SEMA6D: variants seen among roughly 807,000 people sequenced by gnomAD.
SEMA6D encodes semaphorin-6D.
Under a neutral mutation model 106.6 loss-of-function variants are expected in SEMA6D, and 35 were observed. The ratio of observed to expected loss-of-function variants is 0.33; its 90% CI spans 0.25 to 0.44. The LOEUF (loss-of-function observed/expected upper bound fraction) is 0.44, where lower values mean the gene tolerates loss of function less well. Ranked by LOEUF, SEMA6D falls within the 20% of genes least tolerant of loss-of-function variation. The probability of loss-of-function intolerance (pLI) is 1.00; values close to 1 mark genes in which losing one functional copy is unlikely to be tolerated. For synonymous variants in SEMA6D, 499 were observed against 487.7 expected (o/e 1.02, Z -0.31); for missense variants, 1,185 against 1,345.9 (o/e 0.88, Z 1.87).
At chr15:47,620,728 AT>A (rs2077083894) in intron 4 of SEMA6D, among the ~76,000 whole-genome samples, 1 of 150,282 alleles carries the variant, frequency 6.7e-6, no homozygotes, top group African/African-American at 2.4e-5. Flanking sequence ...ATATATATAT[AT>A]TCTTTGTGCA....
chr15:47,308,594 C>T (rs940399067), intron 1 of SEMA6D, among the ~76,000 whole-genome samples: 12 of 152,154 alleles, frequency 7.9e-5, no homozygotes, highest in African/African-American at 2.9e-4. Flanking sequence ...AAGAGTTTCT[C>T]AGAGAAACCT....
chr15:47,193,682 T>G (rs1476769772), intron 1 of SEMA6D, among the ~76,000 whole-genome samples: 1 of 152,054 alleles, frequency 6.6e-6, no homozygotes, highest in Non-Finnish European at 1.5e-5. Flanking sequence ...ACAAAAAAAC[T>G]CTTGTTCTGT....
intron 1 of SEMA6D, among the ~76,000 whole-genome samples, chr15:47,281,891 C>A (rs1323502432): frequency 1.3e-5 from 2 of 151,726 alleles, no homozygotes; most frequent in African/African-American, 4.8e-5. Flanking sequence ...TATTTTTATC[C>A]CAATTTTACA....
chr15:47,584,428 G>C (rs12913106), intron 3 of SEMA6D, among the ~76,000 whole-genome samples: 1 of 149,964 alleles, frequency 6.7e-6, no homozygotes, highest in Admixed American at 6.6e-5. Flanking sequence ...TGTCTCAGGG[G>C]AAAAAAAAAA....
At chr15:47,240,642 C>T (rs761815644) in intron 1 of SEMA6D, among the ~76,000 whole-genome samples, 4 of 152,122 alleles carry the variant, frequency 2.6e-5, no homozygotes, top group Non-Finnish European at 4.4e-5. Flanking sequence ...TGCAACAAAA[C>T]AGTACTCTAA....
At chr15:47,391,747 G>T (rs181027163) in intron 1 of SEMA6D, among the ~76,000 whole-genome samples, 32 of 151,562 alleles carry the variant, frequency 2.1e-4, no homozygotes, top group Non-Finnish European at 4.1e-4. Flanking sequence ...TCTTGTGGGA[G>T]TCTCTACTGA....
intron 1 of SEMA6D, among the ~76,000 whole-genome samples, chr15:47,248,708 T>C (rs1265889052): frequency 6.6e-6 from 1 of 152,212 alleles, no homozygotes; most frequent in Admixed American, 6.5e-5. Context: ...TGATTTACAA[T>C]GTAGAATGTC....
chr15:47,436,758 T>TAAA (rs67662241), intron 2 of SEMA6D, among the ~76,000 whole-genome samples: 16 of 127,458 alleles, frequency 1.3e-4, no homozygotes, highest in African/African-American at 4.0e-4. Flanking sequence ...CTATCTCTAT[T>TAAA]AAAAAAAAAA....
intron 3 of SEMA6D, among the ~76,000 whole-genome samples, chr15:47,528,445 G>A (rs2044836985): frequency 6.6e-6 from 1 of 152,046 alleles, no homozygotes; most frequent in African/African-American, 2.4e-5. Flanking sequence ...CAGGCAAGTT[G>A]GTCTGCGGGG....
chr15:47,677,797 A>G (rs2078274951), intron 4 of SEMA6D, among the ~76,000 whole-genome samples: 1 of 152,146 alleles, frequency 6.6e-6, no homozygotes, highest in Admixed American at 6.5e-5. Context: ...GAAAACCATA[A>G]AGTCATATGA....
chr15:47,454,812 T>C lies in SEMA6D; in HGVS notation c.-158-15662T>C, dbSNP rs185558252. On this transcript the variant is annotated intron_variant, in intron 2 of 19. Coordinates refer to the SEMA6D transcript ENST00000558014. ...TTGTAAATGAATTATGCCTGAATTG[T>C]ATTCCCACTACAGCCAGGTAGTATG... Among the ~76,000 whole-genome samples, 7 of 152,094 alleles carry C rather than the reference T, an allele frequency of 4.6e-5. No individual in the cohort carries two copies. In the East Asian group the frequency reaches 1.4e-3, roughly 30 times the overall value.
At chr15:47,536,952 A>G (rs1295902846) in intron 3 of SEMA6D, among the ~76,000 whole-genome samples, 4 of 152,252 alleles carry the variant, frequency 2.6e-5, no homozygotes, top group East Asian at 1.9e-4. Context: ...TTAGATAACA[A>G]TGCATGAAAA....
At chr15:47,254,791 T>C (rs1180514060) in intron 1 of SEMA6D, among the ~76,000 whole-genome samples, 1 of 152,040 alleles carries the variant, frequency 6.6e-6, no homozygotes, top group African/African-American at 2.4e-5. Context: ...GAATAATCTT[T>C]TTAATGTGCT....
intron 4 of SEMA6D, among the ~76,000 whole-genome samples, chr15:47,663,789 CTCTT>C (rs1256548661): frequency 4.6e-5 from 7 of 152,164 alleles, no homozygotes; most frequent in African/African-American, 1.4e-4. Context: ...AAATGTCACT[CTCTT>C]TCAGAAAATC....
At chr15:47,415,554 G>A (rs1047425068) in intron 2 of SEMA6D, among the ~76,000 whole-genome samples, 3 of 152,010 alleles carry the variant, frequency 2.0e-5, no homozygotes, top group Non-Finnish European at 4.4e-5. Context: ...TCACACCTCA[G>A]AAAGTCCTTT....
chr15:47,200,347 A>G (rs1398241487), intron 1 of SEMA6D, among the ~76,000 whole-genome samples: 3 of 152,160 alleles, frequency 2.0e-5, no homozygotes, highest in African/African-American at 7.2e-5. Context: ...ACAAGGTACA[A>G]CTAATCAGAT....
intron 2 of SEMA6D, among the ~76,000 whole-genome samples, chr15:47,439,147 CATATT>C (rs1455968005): frequency 1.3e-5 from 2 of 152,106 alleles, no homozygotes; most frequent in African/African-American, 2.4e-5. Context: ...GTATTCTTCA[CATATT>C]ATAATTAGAG....
intron 1 of SEMA6D, among the ~76,000 whole-genome samples, chr15:47,392,903 T>C (rs1398042896): frequency 1.3e-5 from 2 of 152,210 alleles, no homozygotes; most frequent in African/African-American, 2.4e-5. Flanking sequence ...CCACGACTTA[T>C]GTCTCTAGAG....
intron 2 of SEMA6D, among the ~76,000 whole-genome samples, chr15:47,447,443 A>T (rs568139860): frequency 1.5e-4 from 23 of 152,060 alleles, no homozygotes; most frequent in African/African-American, 5.5e-4. Context: ...CTCCATAAAA[A>T]CCCAAAAGGA....
Sources: gnomAD v4.1 joint callset for allele counts (sites outside exome capture counted in the v4.1 genomes callset) on GRCh38, gnomAD v4.1.1 for gene constraint, MANE v1.5 for transcripts, NCBI Gene and HGNC (gene_info 2026-07-23, HGNC 2026-07-21) for gene names.